The following MAN1A2 variants were observed in gnomAD, a reference collection of about 807,000 sequenced individuals.
MAN1A2 encodes the protein mannosyl-oligosaccharide 1,2-alpha-mannosidase IB.
MAN1A2 carries 26 observed loss-of-function variants against 75.7 expected under a neutral mutation model. That is an observed-to-expected ratio of 0.34 (90% CI 0.25 to 0.48). MAN1A2 has a LOEUF of 0.48. Ranked by LOEUF, MAN1A2 falls within the 20% of genes least tolerant of loss-of-function variation. The pLI is 0.99. For missense variants in MAN1A2, 562 were observed against 775.5 expected, an observed-to-expected ratio of 0.72 and a Z score of 3.27; for synonymous variants, 247 against 264.6, an observed-to-expected ratio of 0.93 and a Z score of 0.65.
chr1:117,432,459 A>C (rs575474237), intron 5 of MAN1A2, among the ~76,000 whole-genome samples: 1 of 152,380 alleles, frequency 6.6e-6, no homozygotes, highest in African/African-American at 2.4e-5. Context: ...ATCATTGCAG[A>C]TTCCACATAC....
At chr1:117,460,654 T>G in intron 7 of MAN1A2, 42 bp downstream of exon 7, 2 of 1,537,218 alleles carry the variant, frequency 1.3e-6, no homozygotes. Context: ...TTATAAAGAG[T>G]CCTTTAAGAT....
chr1:117,442,123 G>T, intron 5 of MAN1A2, 108 bp from the exon 6 acceptor site: 1 of 629,948 alleles, frequency 1.6e-6, no homozygotes, highest in Admixed American at 2.5e-5. Context: ...CCTACCCTGT[G>T]CTCCCGTGTA....
At position 117,526,551 on chromosome 1, in the gene MAN1A2, C is replaced by T. The variant is rs774926183; in HGVS notation, c.*3594C>T. The T allele has an allele frequency of 2.0e-5, 3 of 151,226 alleles. No homozygotes were observed. Among genetic ancestry groups the T allele is most frequent in the East Asian group, 1.9e-4 (1 of 5,178 alleles). 9.4% of individuals were successfully genotyped at this position (151,226 alleles called of 1,614,324 possible). On this transcript the variant is annotated 3_prime_UTR_variant, in exon 13 of 13. Coordinates refer to ENST00000356554, the MANE Select transcript of MAN1A2 (RefSeq NM_006699.5). ...AAAATATTTACTTTAGAAATAAAAA[C>T]GTTCTTATTTTGCTATATCACTTTA...
chr1:117,439,703 C>G (rs1345413489), intron 5 of MAN1A2, among the ~76,000 whole-genome samples: 1 of 152,126 alleles, frequency 6.6e-6, no homozygotes, highest in East Asian at 1.9e-4. Context: ...CCATGTTGGC[C>G]AGGCCAGCCT....
At chr1:117,506,437 G>C (rs1651372393) in intron 12 of MAN1A2, among the ~76,000 whole-genome samples, 1 of 151,672 alleles carries the variant, frequency 6.6e-6, no homozygotes. Context: ...AAGAGGCCAT[G>C]TCTCCTACTT....
intron 1 of MAN1A2, among the ~76,000 whole-genome samples, chr1:117,386,467 T>C (rs573821004): frequency 6.6e-6 from 1 of 152,236 alleles, no homozygotes; most frequent in East Asian, 1.9e-4. Context: ...TTGGTGGTTG[T>C]GCACAATAAA....
intron 5 of MAN1A2, among the ~76,000 whole-genome samples, chr1:117,420,976 A>G (rs1648167568): frequency 6.6e-6 from 1 of 152,126 alleles, no homozygotes; most frequent in African/African-American, 2.4e-5. Flanking sequence ...ACAAAATTAA[A>G]TAACAAATCA....
Position 117,390,875 on chromosome 1 carries a change from G to A in MAN1A2, c.303-11311G>A, listed in dbSNP as rs80043222. 1.4e-3 allele frequency among the ~76,000 whole-genome samples: 213 copies of A among 151,810 alleles called. 1 individual carries two copies. Among genetic ancestry groups the A allele is most frequent in the African/African-American group, 5.0e-3 (206 of 41,452 alleles). ...TGTTTCCATTTTCTTTCGGTTCAGG[G>A]CACTTTCAAATTTCACTTTTTAAAA... On this transcript the variant is annotated intron_variant, in intron 1 of 12. Coordinates refer to ENST00000356554, the MANE Select transcript of MAN1A2 (RefSeq NM_006699.5).
intron 1 of MAN1A2, among the ~76,000 whole-genome samples, chr1:117,400,155 T>G (rs1248315313): frequency 6.6e-6 from 1 of 152,054 alleles, no homozygotes; most frequent in Non-Finnish European, 1.5e-5. Context: ...GGACCAACCT[T>G]AGTTCCCTGC....
intron 1 of MAN1A2, among the ~76,000 whole-genome samples, chr1:117,370,203 C>T (rs1652913733): frequency 6.6e-6 from 1 of 152,140 alleles, no homozygotes; most frequent in Non-Finnish European, 1.5e-5. Context: ...ATTTAGCTAT[C>T]TAAAACTATT....
intron 8 of MAN1A2, among the ~76,000 whole-genome samples, chr1:117,469,184 TAAAAC>T (rs1237836480): frequency 1.3e-5 from 2 of 151,844 alleles, no homozygotes; most frequent in Non-Finnish European, 2.9e-5. Context: ...AAAAACAAAA[TAAAAC>T]AAAACCAAAT....
intron 1 of MAN1A2, among the ~76,000 whole-genome samples, chr1:117,374,148 C>T (rs956643708): frequency 6.6e-6 from 1 of 152,036 alleles, no homozygotes; most frequent in Non-Finnish European, 1.5e-5. Flanking sequence ...CATACTCGCA[C>T]ATGCACACAG....
chr1:117,472,582 C>G (rs1650193820), intron 8 of MAN1A2, among the ~76,000 whole-genome samples: 1 of 151,884 alleles, frequency 6.6e-6, no homozygotes, highest in African/African-American at 2.4e-5. Flanking sequence ...GTAAGAATTT[C>G]TTTTTTCTTA....
chr1:117,391,709 T>G (rs1275314577), intron 1 of MAN1A2, among the ~76,000 whole-genome samples: 1 of 152,206 alleles, frequency 6.6e-6, no homozygotes, highest in Non-Finnish European at 1.5e-5. Flanking sequence ...TTTCAGACTT[T>G]GACATCTGAA....
chr1:117,473,071 A>T (rs1314920798), intron 8 of MAN1A2, among the ~76,000 whole-genome samples: 1 of 151,996 alleles, frequency 6.6e-6, no homozygotes, highest in African/African-American at 2.4e-5. Flanking sequence ...ATATCCAATT[A>T]TCTACTTGAC....
chr1:117,527,356 T>G lies in MAN1A2; in HGVS notation c.*4399T>G, dbSNP rs1652057670. The G allele has an allele frequency of 6.6e-6, 1 of 151,950 alleles. No homozygotes were observed. The highest frequency in any genetic ancestry group is 1.5e-5 in the Non-Finnish European group (1 of 67,894). The allele number at this position is 151,950 out of a possible 1,614,324, so 9.4% of individuals were successfully genotyped here. ...TGGAGGGCTGGATTTGGTCCATGGG[T>G]CATAGTTAGTGACCCTGATCCCAAG... On this transcript the variant is annotated 3_prime_UTR_variant, in exon 13 of 13. Coordinates refer to ENST00000356554, the MANE Select transcript of MAN1A2 (RefSeq NM_006699.5).
intron 1 of MAN1A2, among the ~76,000 whole-genome samples, chr1:117,374,080 G>C (rs1423822132): frequency 6.6e-6 from 1 of 152,096 alleles, no homozygotes; most frequent in Non-Finnish European, 1.5e-5. Context: ...AGGATTGATT[G>C]ATTGAGGCCA....
At chr1:117,466,864 C>A (rs1309904252) in intron 8 of MAN1A2, among the ~76,000 whole-genome samples, 1 of 152,204 alleles carries the variant, frequency 6.6e-6, no homozygotes, top group East Asian at 1.9e-4. Context: ...TCCTGGCCTT[C>A]ATTATTTACC....
chr1:117,471,876 G>A (rs1021362067), intron 8 of MAN1A2, among the ~76,000 whole-genome samples: 2 of 151,778 alleles, frequency 1.3e-5, no homozygotes, highest in South Asian at 2.1e-4. Flanking sequence ...AGAAGAAACC[G>A]GATCAGGTTT....
Sources: allele counts gnomAD v4.1 joint callset (sites outside exome capture counted in the v4.1 genomes callset), GRCh38; gene constraint gnomAD v4.1.1; transcripts MANE v1.5; gene names NCBI Gene and HGNC (gene_info 2026-07-23, HGNC 2026-07-21).